The following NRG1 variants were observed in gnomAD, a reference collection of about 807,000 sequenced individuals.
NRG1 encodes the protein pro-neuregulin-1, membrane-bound isoform.
In NRG1, 18 loss-of-function variants were observed where a neutral mutation model predicts 63.8. That is an observed-to-expected ratio of 0.28 (90% CI 0.19 to 0.42). NRG1 has a LOEUF of 0.42. Among genes scored for constraint, NRG1 ranks in the 10% least tolerant of loss-of-function variants. The pLI is 1.00. For synonymous variants in NRG1, 302 were observed against 301.3 expected, an observed-to-expected ratio of 1.00 and a Z score of -0.02; for missense variants, 762 against 814.7, an observed-to-expected ratio of 0.94 and a Z score of 0.79.
At position 32,502,565 on chromosome 8, in the gene NRG1, G is replaced by A. The variant is rs182026837; in HGVS notation, c.38-93263G>A. 5.6e-3 allele frequency among the ~76,000 whole-genome samples: 835 copies of A among 149,886 alleles called. 4 individuals are homozygous for A. Among genetic ancestry groups the A allele is most frequent in the African/African-American group, 0.019 (763 of 40,562 alleles). ...CTGTTCTCTCTCTCTCTCTTTCACT[G>A]ACCTTTACAACTTTCTATATCAACT... On this transcript the variant is annotated intron_variant, in intron 1 of 10. Transcript: ENST00000519301.
At chr8:32,087,123 G>A (rs775167356) in intron 1 of NRG1, among the ~76,000 whole-genome samples, 1 of 152,082 alleles carries the variant, frequency 6.6e-6, no homozygotes, top group African/African-American at 2.4e-5. Context: ...CATTGATAAT[G>A]GTTTGGATGT....
At chr8:32,048,309 A>G (rs1821352909) in intron 1 of NRG1, among the ~76,000 whole-genome samples, 1 of 149,944 alleles carries the variant, frequency 6.7e-6, no homozygotes, top group Non-Finnish European at 1.5e-5. Flanking sequence ...ATTCATACAT[A>G]TATGTATGTA....
chr8:32,256,571 A>G (rs1334684064), intron 1 of NRG1: 1 of 153,044 alleles, frequency 6.5e-6, no homozygotes, highest in East Asian at 1.9e-4. Context: ...GCCTGGTTAT[A>G]CTTGGATGGG....
rs111740044 is a variant in NRG1 at position 32,124,950 on chromosome 8, A to G, written c.38-470878A>G. 1.1e-3 allele frequency among the ~76,000 whole-genome samples: 171 copies of G among 152,012 alleles called. 2 individuals are homozygous for G. Among genetic ancestry groups the G allele is most frequent in the African/African-American group, 3.7e-3 (154 of 41,520 alleles). Reference sequence around the variant, plus strand: ...GGCTGAATATGCCCCCTCCAAAATTATGTTGAAACTAAATCCCCATTTTGC... The same window carrying G: ...GGCTGAATATGCCCCCTCCAAAATTGTGTTGAAACTAAATCCCCATTTTGC... On this transcript the variant is annotated intron_variant, in intron 1 of 10. Coordinates refer to the NRG1 transcript ENST00000519301.
At chr8:31,672,366 G>A (rs1000380215) in intron 1 of NRG1, among the ~76,000 whole-genome samples, 8 of 152,116 alleles carry the variant, frequency 5.3e-5, no homozygotes, top group African/African-American at 1.9e-4. Context: ...ATTAAAAAAT[G>A]TCATATTCAT....
chr8:31,790,898 T>A (rs960904350), intron 1 of NRG1, among the ~76,000 whole-genome samples: 1 of 152,072 alleles, frequency 6.6e-6, no homozygotes, highest in African/African-American at 2.4e-5. Context: ...AGCACAGAAC[T>A]CTTTTTCTCT....
chr8:32,581,972 G>A (rs930074092), intron 1 of NRG1, among the ~76,000 whole-genome samples: 3 of 150,638 alleles, frequency 2.0e-5, no homozygotes, highest in African/African-American at 7.3e-5. Context: ...CTAAATAGTG[G>A]TAGTCTAAGA....
intron 1 of NRG1, among the ~76,000 whole-genome samples, chr8:32,394,648 GGTT>G (rs1435931979): frequency 1.3e-5 from 2 of 152,048 alleles, no homozygotes; most frequent in Admixed American, 6.6e-5. Context: ...CTTACCTCGT[GGTT>G]GTTTGCTCGA....
intron 1 of NRG1, among the ~76,000 whole-genome samples, chr8:32,150,509 G>T (rs1376936698): frequency 1.3e-5 from 2 of 152,178 alleles, no homozygotes; most frequent in African/African-American, 4.8e-5. Flanking sequence ...TTGCCCTTCT[G>T]CTTCTGCCAT....
In NRG1 at chr8:31,965,122, C is replaced by T. The variant is rs114976281; in HGVS notation, c.37+325691C>T. 3.9e-3 allele frequency among the ~76,000 whole-genome samples: 595 copies of T among 152,174 alleles called. 3 individuals carry two copies. Among genetic ancestry groups the T allele is most frequent in the African/African-American group, 0.014 (577 of 41,484 alleles). On this transcript the variant is annotated intron_variant, in intron 1 of 10. Coordinates refer to the NRG1 transcript ENST00000519301. The stretch of plus-strand genomic sequence containing the variant: ...AGAATTAGTCCTAAGGAATTACGAA[C>T]ATTGTATTCCATGGCATATATATAT...
chr8:32,231,948 G>T (rs1469326402), intron 1 of NRG1, among the ~76,000 whole-genome samples: 1 of 151,046 alleles, frequency 6.6e-6, no homozygotes, highest in African/African-American at 2.4e-5. Context: ...CCATTACCCA[G>T]ACTGGAGTGC....
intron 1 of NRG1, among the ~76,000 whole-genome samples, chr8:32,028,892 T>G (rs1406101360): frequency 1.7e-5 from 2 of 114,796 alleles, no homozygotes. Context: ...GTGAAATGAG[T>G]GATGAAAAAG....
intron 1 of NRG1, among the ~76,000 whole-genome samples, chr8:32,415,467 A>G (rs975771170): frequency 3.4e-5 from 5 of 149,246 alleles, no homozygotes; most frequent in Non-Finnish European, 5.9e-5. Context: ...ATGTCTATTC[A>G]TATTATTTGA....
chr8:32,528,128 C>T (rs1831069762), intron 1 of NRG1, among the ~76,000 whole-genome samples: 2 of 152,192 alleles, frequency 1.3e-5, no homozygotes, highest in Non-Finnish European at 2.9e-5. Context: ...TCCTTAAATA[C>T]CACCTCTTTG....
chr8:32,559,263 A>AAAAAAAAAAAAAAAAAAAAAAAC (rs1835882170), intron 1 of NRG1, among the ~76,000 whole-genome samples: 1 of 150,468 alleles, frequency 6.6e-6, no homozygotes, highest in African/African-American at 2.4e-5. Flanking sequence ...AAAAAAAAAA[A>AAAAAAAAAAAAAAAAAAAAAAAC]TCACTACTCA....
chr8:31,720,828 C>T (rs1357496893), intron 1 of NRG1, among the ~76,000 whole-genome samples: 6 of 152,096 alleles, frequency 3.9e-5, no homozygotes, highest in African/African-American at 1.4e-4. Context: ...CAGGTGCTTA[C>T]TTGACAATTT....
intron 1 of NRG1, among the ~76,000 whole-genome samples, chr8:32,332,402 A>G (rs1802759690): frequency 6.6e-6 from 1 of 152,084 alleles, no homozygotes; most frequent in East Asian, 1.9e-4. Flanking sequence ...TGCTCTGGGA[A>G]GTTTCCCTGA....
In NRG1 at chr8:32,415,952, G is replaced by C. The variant is rs141133251; in HGVS notation, c.38-179876G>C. The stretch of plus-strand genomic sequence containing the variant: ...TGTATACTCAGCCCTGCAGCAGAGA[G>C]ACCACACTGCAGCCTTTAGTAGGAA... On this transcript the variant is annotated intron_variant, in intron 1 of 10. Transcript: ENST00000519301. 1.9e-3 allele frequency among the ~76,000 whole-genome samples: 294 copies of C among 152,294 alleles called. 1 individual carries two copies. The highest frequency in any genetic ancestry group is 6.9e-3 in the African/African-American group (285 of 41,556).
intron 1 of NRG1, among the ~76,000 whole-genome samples, chr8:32,594,779 T>TGCA (rs1843076287): frequency 6.6e-6 from 1 of 152,222 alleles, no homozygotes. Flanking sequence ...ACTATTTAGA[T>TGCA]GCACTAAATC....
Sources: gnomAD v4.1 joint callset for allele counts (sites outside exome capture counted in the v4.1 genomes callset) on GRCh38, gnomAD v4.1.1 for gene constraint, MANE v1.5 for transcripts, NCBI Gene and HGNC (gene_info 2026-07-23, HGNC 2026-07-21) for gene names.